The following AGBL4 variants were observed in gnomAD, a reference collection of about 807,000 sequenced individuals.
AGBL4 encodes the protein AGBL carboxypeptidase 4, also known as cytosolic carboxypeptidase 6.
AGBL4 carries 58 observed loss-of-function variants against 66.4 expected under a neutral mutation model. The observed-to-expected ratio is 0.87, with a 90% confidence interval of 0.71 to 1.09. AGBL4 has a LOEUF of 1.09. Ranked by LOEUF, AGBL4 falls within the 50% of genes least tolerant of loss-of-function variation. The pLI is 0.00. For missense variants in AGBL4, 579 were observed against 631.0 expected, an observed-to-expected ratio of 0.92 and a Z score of 0.88; for synonymous variants, 234 against 222.9, an observed-to-expected ratio of 1.05 and a Z score of -0.44.
rs1365374506 is a variant in AGBL4, at chr1:49,074,983, A to T, written c.378-29183T>A. ...ATTAGGCCAATATATCCACTTTTAC[A>T]TTAAAATATCTAGAAATATCAGAAA... is the stretch of plus-strand genomic sequence containing the variant. On this transcript the variant is annotated intron_variant, in intron 4 of 13. Coordinates refer to ENST00000371839, the MANE Select transcript of AGBL4 (RefSeq NM_032785.4). 3.9e-5 allele frequency among the ~76,000 whole-genome samples: 6 copies of T among 152,234 alleles called. No homozygotes were observed. The East Asian group carries it at 1.2e-3, about 29-fold the overall frequency.
intron 5 of AGBL4, among the ~76,000 whole-genome samples, chr1:48,953,760 A>G (rs1245551773): frequency 6.6e-6 from 1 of 152,158 alleles, no homozygotes; most frequent in Non-Finnish European, 1.5e-5. Context: ...ACTATTTAAG[A>G]TTCCCAGAGA....
rs1644902388 is a variant in AGBL4 at position 48,590,760 on chromosome 1, A to G, written c.1104+73T>C. The G allele has an allele frequency of 2.0e-6, 3 of 1,490,570 alleles. No individual in the cohort carries two copies. In the African/African-American group the frequency reaches 4.2e-5, roughly 21 times the overall value. 92.3% of individuals were successfully genotyped at this position (1,490,570 alleles called of 1,614,324 possible). ...TCCCGTGGAGCTTAAAGCAAACTGA[A>G]CTGAGTGAGAAGGAAGACGGGGAGG... On this transcript the variant is annotated intron_variant, in intron 10 of 13. Transcript: ENST00000371839.
chr1:48,889,157 T>G (rs1650665524), intron 5 of AGBL4, among the ~76,000 whole-genome samples: 1 of 152,212 alleles, frequency 6.6e-6, no homozygotes, highest in African/African-American at 2.4e-5. Context: ...AAGAAAAGCA[T>G]TCTTTAAATG....
chr1:49,301,630 G>C (rs1644746258), intron 3 of AGBL4, among the ~76,000 whole-genome samples: 1 of 152,156 alleles, frequency 6.6e-6, no homozygotes, highest in Non-Finnish European at 1.5e-5. Flanking sequence ...TTCCTAGTTT[G>C]CTTCCTGCTC....
At chr1:49,040,614 C>T (rs1412832236) in intron 5 of AGBL4, among the ~76,000 whole-genome samples, 1 of 152,024 alleles carries the variant, frequency 6.6e-6, no homozygotes, top group Non-Finnish European at 1.5e-5. Context: ...GAATACTATT[C>T]AGTACTAAAA....
At chr1:49,525,516 C>T (rs1650588926) in intron 3 of AGBL4, among the ~76,000 whole-genome samples, 1 of 151,954 alleles carries the variant, frequency 6.6e-6, no homozygotes, top group Non-Finnish European at 1.5e-5. Context: ...TGTCTTCCCT[C>T]CCTTTCACTC....
intron 2 of AGBL4, among the ~76,000 whole-genome samples, chr1:49,786,044 C>A (rs1202113563): frequency 1.3e-5 from 2 of 151,826 alleles, no homozygotes; most frequent in Admixed American, 1.3e-4. Context: ...GTTATCCATC[C>A]CATTGATGCT....
intron 3 of AGBL4, among the ~76,000 whole-genome samples, chr1:49,348,425 A>T (rs963404608): frequency 1.3e-5 from 2 of 152,200 alleles, no homozygotes; most frequent in East Asian, 1.9e-4. Flanking sequence ...CGTCTCAAAA[A>T]AAAAAATAAA....
chr1:49,898,336 T>C (rs1649423334), intron 1 of AGBL4, among the ~76,000 whole-genome samples: 1 of 152,018 alleles, frequency 6.6e-6, no homozygotes, highest in Non-Finnish European at 1.5e-5. Flanking sequence ...AAAGAAGACA[T>C]ACAAATGACA....
chr1:49,058,793 G>C (rs1244639477), intron 4 of AGBL4, among the ~76,000 whole-genome samples: 4 of 152,320 alleles, frequency 2.6e-5, no homozygotes, highest in Middle Eastern at 3.4e-3. Context: ...GTCTCAGATG[G>C]AGATGAGGAA....
chr1:49,807,140 G>A (rs1166481501), intron 2 of AGBL4, among the ~76,000 whole-genome samples: 2 of 152,094 alleles, frequency 1.3e-5, no homozygotes, highest in Non-Finnish European at 2.9e-5. Flanking sequence ...CAATGTCTAG[G>A]CTGTACCTAG....
intron 1 of AGBL4, among the ~76,000 whole-genome samples, chr1:49,913,817 T>C (rs1651108084): frequency 6.6e-6 from 1 of 152,190 alleles, no homozygotes; most frequent in Non-Finnish European, 1.5e-5. Flanking sequence ...GAGCCACACC[T>C]GTGCCTACTT....
chr1:48,731,018 A>G (rs1345019150), intron 6 of AGBL4, among the ~76,000 whole-genome samples: 1 of 152,204 alleles, frequency 6.6e-6, no homozygotes, highest in Admixed American at 6.5e-5. Context: ...GTAAGGAACT[A>G]TTTTAAAATC....
chr1:49,021,589 T>A (rs1328828184), intron 5 of AGBL4, among the ~76,000 whole-genome samples: 1 of 152,156 alleles, frequency 6.6e-6, no homozygotes, highest in Non-Finnish European at 1.5e-5. Flanking sequence ...AGAAGCCAAC[T>A]ATTTTGGCAC....
rs536287168 is a variant in AGBL4 at position 49,709,007 on chromosome 1, G to T, written c.158-11570C>A. Among the ~76,000 whole-genome samples, 172 of 152,314 alleles carry T rather than the reference G, an allele frequency of 1.1e-3. 1 individual carries two copies. The highest frequency in any genetic ancestry group is 4.0e-3 in the African/African-American group (168 of 41,586). ...GGTGTCTATCGACCCCTGCTGTGAG[G>T]TGTCTCTCATGCAGGAGGCACGGTG... is the stretch of plus-strand genomic sequence containing the variant. On this transcript the variant is annotated intron_variant, in intron 2 of 13. Coordinates refer to ENST00000371839, the MANE Select transcript of AGBL4 (RefSeq NM_032785.4).
At chr1:48,660,110 G>A (rs544814920) in intron 7 of AGBL4, among the ~76,000 whole-genome samples, 4 of 152,320 alleles carry the variant, frequency 2.6e-5, no homozygotes, top group Admixed American at 1.3e-4. Context: ...GACCTCTCCC[G>A]TAGTCACTGG....
At chr1:49,594,769 A>T (rs1219500025) in intron 3 of AGBL4, among the ~76,000 whole-genome samples, 3 of 152,096 alleles carry the variant, frequency 2.0e-5, no homozygotes, top group South Asian at 4.1e-4. Context: ...TCTATCATTG[A>T]TGGGCATTTG....
intron 5 of AGBL4, among the ~76,000 whole-genome samples, chr1:48,934,878 T>G (rs1557477048): frequency 6.6e-6 from 1 of 152,222 alleles, no homozygotes; most frequent in Non-Finnish European, 1.5e-5. Flanking sequence ...TTTGTTATAC[T>G]AGCCATCTCT....
At chr1:49,380,890 C>A (rs1338672168) in intron 3 of AGBL4, among the ~76,000 whole-genome samples, 6 of 152,120 alleles carry the variant, frequency 3.9e-5, no homozygotes, top group Non-Finnish European at 8.8e-5. Flanking sequence ...ACCATAAAAA[C>A]CCAAGAAGAA....
Sources: allele counts gnomAD v4.1 joint callset (sites outside exome capture counted in the v4.1 genomes callset), GRCh38; gene constraint gnomAD v4.1.1; transcripts MANE v1.5; gene names NCBI Gene and HGNC (gene_info 2026-07-23, HGNC 2026-07-21).